The following BCORL1 variants were observed in gnomAD, a reference collection of about 807,000 sequenced individuals.
The protein encoded by BCORL1 is BCL6 corepressor like 1.
Under a neutral mutation model 87.6 loss-of-function variants are expected in BCORL1, and 7 were observed. The ratio of observed to expected loss-of-function variants is 0.08; its 90% confidence interval spans 0.05 to 0.15. The LOEUF is 0.15. BCORL1 is among the 10% of genes least tolerant of loss of function. The pLI is 1.00. For synonymous variants in BCORL1, 591 were observed against 634.4 expected, an observed-to-expected ratio of 0.93 and a Z score of 1.03; for missense variants, 1,215 against 1,499.7, an observed-to-expected ratio of 0.81 and a Z score of 3.13.
chrX:130,046,056 T>C (rs1931724287), intron 11 of BCORL1, among the ~76,000 whole-genome samples: 2 of 111,049 alleles, frequency 1.8e-5, no homozygotes, highest in Non-Finnish European at 3.8e-5. Context: ...CTGAGGCAGG[T>C]GGATCACTTG....
At chrX:130,020,359 G>A (rs1929709814) in intron 4 of BCORL1, among the ~76,000 whole-genome samples, 1 of 112,160 alleles carries the variant, frequency 8.9e-6, no homozygotes, top group Non-Finnish European at 1.9e-5. Flanking sequence ...ATTTGGAAAG[G>A]CTGAAAGTGC....
chrX:130,050,433 TA>T (rs1303051883), intron 11 of BCORL1, among the ~76,000 whole-genome samples: 13 of 105,982 alleles, frequency 1.2e-4, no homozygotes, highest in Admixed American at 3.0e-4. Context: ...CCCTGACTCT[TA>T]AAAAAAAAAA....
At chrX:130,009,419 A>C (rs1169289215) in intron 2 of BCORL1, among the ~76,000 whole-genome samples, 2 of 104,912 alleles carry the variant, frequency 1.9e-5, no homozygotes, top group African/African-American at 7.1e-5. Flanking sequence ...GCACCATTGC[A>C]CTCCTCCAGC....
chrX:129,981,795 C>A (rs1926114192), upstream of BCORL1: 1 of 106,092 alleles, frequency 9.4e-6, no homozygotes, highest in Non-Finnish European at 1.9e-5. Context: ...TGGGTAGGGG[C>A]CCAGTATAAG....
At chrX:130,040,946 G>A (rs1320112808) in intron 11 of BCORL1, among the ~76,000 whole-genome samples, 1 of 111,230 alleles carries the variant, frequency 9.0e-6, no homozygotes, top group Non-Finnish European at 1.9e-5. Context: ...GCCATCCCGA[G>A]GGTCTCAGGG....
At chrX:130,012,457 C>T in intron 2 of BCORL1, 121 bp from the exon 3 acceptor site, 1 of 549,541 alleles carries the variant, frequency 1.8e-6, no homozygotes, top group Non-Finnish European at 3.1e-6. Flanking sequence ...CAAGTTACTA[C>T]AGGAAGTGAG....
At chrX:129,986,847 AAAAAAAG>A (rs1026291294) in intron 1 of BCORL1, among the ~76,000 whole-genome samples, 2 of 111,347 alleles carry the variant, frequency 1.8e-5, no homozygotes, top group African/African-American at 6.6e-5. Context: ...ACAAAAAAAC[AAAAAAAG>A]AAAAAAGAAA....
At chrX:130,049,336 T>A (rs1320529197) in intron 11 of BCORL1, among the ~76,000 whole-genome samples, 1 of 109,550 alleles carries the variant, frequency 9.1e-6, no homozygotes, top group Non-Finnish European at 1.9e-5. Flanking sequence ...CTGTGAACAT[T>A]CATGTATAAG....
chrX:130,051,496 C>T (rs1183450982), intron 12 of BCORL1, among the ~76,000 whole-genome samples: 1 of 112,923 alleles, frequency 8.9e-6, no homozygotes, highest in Non-Finnish European at 1.9e-5. Context: ...GGGAAAGCTG[C>T]AGCTAGAGAA....
At chrX:130,012,905 CT>C (rs1410527358) in intron 3 of BCORL1, 44 bp from the exon 4 acceptor site, 1 of 1,164,813 alleles carries the variant, frequency 8.6e-7, no homozygotes, top group Non-Finnish European at 1.1e-6. Flanking sequence ...CTTGCACCAT[CT>C]GCAGGGAGCT....
chrX:130,020,839 A>G (rs1372213380), intron 4 of BCORL1, 146 bp from the exon 5 acceptor site: 2 of 616,092 alleles, frequency 3.2e-6, no homozygotes, highest in Non-Finnish European at 2.3e-6. Context: ...CCCACTCTGG[A>G]AGGCAGTGCA....
At chrX:130,025,473 A>G (rs1246084645) in intron 7 of BCORL1, 94 bp downstream of exon 7, 4 of 846,628 alleles carry the variant, frequency 4.7e-6, no homozygotes, top group Non-Finnish European at 6.6e-6. Context: ...TTCGGGACCC[A>G]GAGAAACCCG....
At chrX:130,035,873 T>C (rs757067311) in intron 9 of BCORL1, among the ~76,000 whole-genome samples, 10 of 112,470 alleles carry the variant, frequency 8.9e-5, no homozygotes, top group Non-Finnish European at 1.5e-4. Context: ...ACATCTGCAC[T>C]GGTGAGGAGG....
rs775806344 is a variant in BCORL1 at position 130,014,248 on chromosome X, C to T, written c.1476C>T (p.Gly492=). 29 of 1,208,488 alleles carry T rather than the reference C, an allele frequency of 2.4e-5. No homozygotes were observed. Among genetic ancestry groups the T allele is most frequent in the South Asian group, 5.3e-5 (3 of 56,700 alleles). ...PSYLQDRCLP[G]VLASPELRSY... ...ACCTGCAGGACAGGTGTCTCCCAGG[C>T]GTGCTAGCCTCCCCCGAGCTCCGTT... Residue 492 remains glycine, a synonymous_variant, in exon 4 of 14, where the codon GGC becomes GGT. Coordinates refer to ENST00000540052, the MANE Select transcript of BCORL1 (RefSeq NM_001379451.1).
intron 11 of BCORL1, among the ~76,000 whole-genome samples, chrX:130,046,256 C>T (rs1931736532): frequency 9.0e-6 from 1 of 111,574 alleles, no homozygotes; most frequent in African/African-American, 3.3e-5. Context: ...CACTGCACTC[C>T]AGCCTGGGTG....
At chrX:130,030,268 C>T (rs954256515) in intron 8 of BCORL1, among the ~76,000 whole-genome samples, 2 of 111,746 alleles carry the variant, frequency 1.8e-5, no homozygotes, top group African/African-American at 6.5e-5. Context: ...AGAGGCATAG[C>T]GTGGCAGGGT....
chrX:130,044,901 G>A (rs757883473), intron 11 of BCORL1, among the ~76,000 whole-genome samples: 8 of 112,686 alleles, frequency 7.1e-5, no homozygotes, highest in Admixed American at 2.8e-4. Context: ...AATTCATCTG[G>A]GTTGTAAATG....
chrX:129,994,580 G>A (rs1030836998), intron 1 of BCORL1, among the ~76,000 whole-genome samples: 19 of 108,126 alleles, frequency 1.8e-4, no homozygotes, highest in African/African-American at 6.4e-4. Context: ...TTTAACAGCA[G>A]TTAACATTCC....
At chrX:130,051,071 T>G (rs1417199114) in intron 12 of BCORL1, among the ~76,000 whole-genome samples, 1 of 112,020 alleles carries the variant, frequency 8.9e-6, no homozygotes, top group Non-Finnish European at 1.9e-5. Context: ...CTCCCTGGCT[T>G]TGTCTTAACC....
Sources: gnomAD v4.1 joint callset for allele counts (sites outside exome capture counted in the v4.1 genomes callset) on GRCh38, gnomAD v4.1.1 for gene constraint, MANE v1.5 for transcripts, NCBI Gene and HGNC (gene_info 2026-07-23, HGNC 2026-07-21) for gene names.